The following ST7L variants were observed in gnomAD, a reference collection of about 807,000 sequenced individuals.
The protein encoded by ST7L is suppression of tumorigenicity 7 like, also known as suppressor of tumorigenicity 7 protein-like.
Under a neutral mutation model 72.5 loss-of-function variants are expected in ST7L, and 57 were observed. That is an observed-to-expected ratio of 0.79 (90% CI 0.64 to 0.98). The LOEUF (loss-of-function observed/expected upper bound fraction) is 0.98, where lower values mean the gene tolerates loss of function less well. Ranked by LOEUF, ST7L falls within the 50% of genes least tolerant of loss-of-function variation. The pLI, the probability that ST7L is intolerant of heterozygous loss-of-function variation, is 0.00. For missense variants in ST7L, 576 were observed against 672.2 expected (o/e 0.86, Z 1.58); for synonymous variants, 221 against 240.9 (o/e 0.92, Z 0.77).
At chr1:112,612,475 C>A (rs1001046098) in intron 2 of ST7L, among the ~76,000 whole-genome samples, 2 of 152,102 alleles carry the variant, frequency 1.3e-5, no homozygotes, top group Admixed American at 6.6e-5. Context: ...ATTTTCAAAT[C>A]TGTAGGAATG....
At chr1:112,539,864 T>C in intron 14 of ST7L, 1 of 985,106 alleles carries the variant, frequency 1.0e-6, no homozygotes, top group Non-Finnish European at 1.2e-6. Context: ...GCTGTAAAAG[T>C]TTACCATTAG....
intron 3 of ST7L, among the ~76,000 whole-genome samples, chr1:112,603,921 G>T (rs1052683242): frequency 3.3e-5 from 5 of 152,120 alleles, no homozygotes; most frequent in African/African-American, 1.2e-4. Flanking sequence ...GTCATATGGG[G>T]GATTAGGGGT....
downstream of ST7L, chr1:112,521,795 C>T (rs1013746638): frequency 8.5e-5 from 13 of 152,102 alleles, no homozygotes; most frequent in Admixed American, 7.2e-4. Context: ...GGAGGTAGGA[C>T]ATGAAGTCCC....
At chr1:112,594,439 C>G (rs1666141493) in intron 5 of ST7L, among the ~76,000 whole-genome samples, 1 of 152,130 alleles carries the variant, frequency 6.6e-6, no homozygotes, top group Non-Finnish European at 1.5e-5. Context: ...AAGTATATTA[C>G]AGAATGAAGA....
intron 5 of ST7L, among the ~76,000 whole-genome samples, chr1:112,596,771 G>A (rs752013312): frequency 7.2e-5 from 11 of 151,982 alleles, no homozygotes; most frequent in Non-Finnish European, 1.6e-4. Flanking sequence ...CCGAGTAGCT[G>A]GGATTACAGG....
chr1:112,552,039 C>A (rs932471232), intron 12 of ST7L, among the ~76,000 whole-genome samples: 10 of 152,186 alleles, frequency 6.6e-5, no homozygotes, highest in Non-Finnish European at 1.5e-4. Flanking sequence ...CAGAGCCTAT[C>A]CTGGCAGCCC....
downstream of ST7L, chr1:112,520,281 T>C (rs756575329): frequency 2.5e-6 from 4 of 1,613,470 alleles, no homozygotes; most frequent in African/African-American, 4.0e-5. Context: ...CCAACCCAGG[T>C]TCCCTAGGCA....
At chr1:112,540,685 G>A (rs1655955599) in intron 14 of ST7L, 1 of 1,189,546 alleles carries the variant, frequency 8.4e-7, no homozygotes, top group Admixed American at 3.8e-5. Flanking sequence ...AATCTTTAAG[G>A]CACAAAATAA....
intron 6 of ST7L, among the ~76,000 whole-genome samples, chr1:112,587,233 T>C (rs1665000410): frequency 6.6e-6 from 1 of 152,254 alleles, no homozygotes; most frequent in Admixed American, 6.5e-5. Flanking sequence ...CTTTTATGTA[T>C]GTGGCTATTC....
rs752546072 is a variant in ST7L at position 112,542,047 on chromosome 1, C to T, written c.1533G>A (p.Leu511=). The T allele has an allele frequency of 2.5e-6, 4 of 1,612,492 alleles. No homozygotes were observed. Among genetic ancestry groups the T allele is most frequent in the African/African-American group, 1.3e-5 (1 of 74,828 alleles). Reference sequence around the variant, plus strand: ...AAAATCCTGCTGTGAAATGGATGAACAAAGGAAGCTCCTTTTTTGGGTAAA... The same window carrying T: ...AAAATCCTGCTGTGAAATGGATGAATAAAGGAAGCTCCTTTTTTGGGTAAA... ...VSVYPKKELP[L]FIHFTAGFCS... is the part of the protein sequence containing the mutation. Residue 511 remains leucine, a synonymous_variant, in exon 14 of 15, where the codon TTG becomes TTA. Transcript: ENST00000358039.
chr1:112,574,192 C>T (rs1258764951), intron 11 of ST7L, among the ~76,000 whole-genome samples: 2 of 145,078 alleles, frequency 1.4e-5, no homozygotes, highest in African/African-American at 5.1e-5. Flanking sequence ...GCTGGGATTA[C>T]AGGTGTGAGC....
At chr1:112,550,781 T>C (rs1657984879) in intron 12 of ST7L, 88 bp from the exon 13 acceptor site, 3 of 1,064,730 alleles carry the variant, frequency 2.8e-6, no homozygotes, top group Non-Finnish European at 4.1e-6. Flanking sequence ...AAATTTCACA[T>C]ACTATTTTCT....
intron 11 of ST7L, 34 bp from the exon 12 acceptor site, chr1:112,556,052 A>C (rs1480824801): frequency 7.2e-7 from 1 of 1,385,304 alleles, no homozygotes; most frequent in Admixed American, 2.7e-5. Flanking sequence ...ATATACACAC[A>C]ACAGAAAAAA....
intron 11 of ST7L, among the ~76,000 whole-genome samples, chr1:112,564,875 C>T (rs922897657): frequency 6.9e-6 from 1 of 143,888 alleles, no homozygotes; most frequent in Non-Finnish European, 1.5e-5. Flanking sequence ...AGACTTGTAA[C>T]ATTCTACGGG....
intron 11 of ST7L, among the ~76,000 whole-genome samples, chr1:112,571,730 T>C (rs1056357641): frequency 3.3e-5 from 5 of 152,202 alleles, no homozygotes; most frequent in African/African-American, 4.8e-5. Context: ...CCAGCCTATA[T>C]AGTTTTAATG....
At chr1:112,520,448 A>G (rs745673436), downstream of ST7L, 6 of 1,614,168 alleles carry the variant, frequency 3.7e-6, no homozygotes, top group East Asian at 1.1e-4. Context: ...GAATGCAGAA[A>G]TACTGTGGAC....
chr1:112,598,227 C>A, intron 4 of ST7L, 141 bp from the exon 5 acceptor site: 1 of 531,982 alleles, frequency 1.9e-6, no homozygotes, highest in Non-Finnish European at 3.3e-6. Flanking sequence ...CAAAAGATAA[C>A]CTCACAAACT....
In ST7L at chr1:112,523,599, C is replaced by T. The variant is rs1653000585; in HGVS notation, c.*2414G>A. ...TTCCCTCACTCTGCTTCTAATCACCCCTTCTCCCAGCCCTCTTCTATTTGA... is the reference window on the plus strand; with the variant it reads ...TTCCCTCACTCTGCTTCTAATCACCTCTTCTCCCAGCCCTCTTCTATTTGA... On this transcript the variant is annotated 3_prime_UTR_variant, in exon 15 of 15. Coordinates refer to ENST00000358039, the MANE Select transcript of ST7L (RefSeq NM_017744.5). 1 of 152,116 alleles carries T rather than the reference C, an allele frequency of 6.6e-6. No homozygotes were observed. The highest frequency in any genetic ancestry group is 6.5e-5 in the Admixed American group (1 of 15,278). The allele number at this position is 152,116 out of a possible 1,614,324, so 9.4% of individuals were successfully genotyped here. A position where few individuals can be genotyped will look rare whatever the true frequency, so the allele number is the denominator to read the frequency against.
intron 14 of ST7L, among the ~76,000 whole-genome samples, chr1:112,536,471 C>G (rs1356778743): frequency 5.3e-5 from 8 of 152,094 alleles, no homozygotes; most frequent in African/African-American, 1.4e-4. Context: ...GTGGACAAAT[C>G]TTCCCAAAAG....
Sources: allele counts gnomAD v4.1 joint callset (sites outside exome capture counted in the v4.1 genomes callset), GRCh38; gene constraint gnomAD v4.1.1; transcripts MANE v1.5; gene names NCBI Gene and HGNC (gene_info 2026-07-23, HGNC 2026-07-21).